The following ESCO1 variants were observed in gnomAD, a reference collection of about 807,000 sequenced individuals.
ESCO1 encodes N-acetyltransferase ESCO1.
ESCO1 carries 33 observed loss-of-function variants against 83.5 expected under a neutral mutation model. The observed-to-expected ratio is 0.40, with a 90% CI of 0.30 to 0.53. The LOEUF (loss-of-function observed/expected upper bound fraction) is 0.53, where lower values mean the gene tolerates loss of function less well. Ranked by LOEUF, ESCO1 falls within the 20% of genes least tolerant of loss-of-function variation. The pLI is 0.63. For synonymous variants in ESCO1, 332 were observed against 324.3 expected, an observed-to-expected ratio of 1.02 and a Z score of -0.25; for missense variants, 855 against 968.0, an observed-to-expected ratio of 0.88 and a Z score of 1.55.
intron 8 of ESCO1, among the ~76,000 whole-genome samples, chr18:21,558,036 A>G (rs1598462152): frequency 6.6e-6 from 1 of 150,436 alleles, no homozygotes. Flanking sequence ...CAGTGATGCA[A>G]TCTTGGCTCA....
At chr18:21,550,410 C>T (rs1466322187) in intron 8 of ESCO1, among the ~76,000 whole-genome samples, 1 of 152,096 alleles carries the variant, frequency 6.6e-6, no homozygotes, top group African/African-American at 2.4e-5. Flanking sequence ...TGGGTCAGAC[C>T]CAATAAAAAG....
intron 8 of ESCO1, among the ~76,000 whole-genome samples, chr18:21,542,662 TA>T (rs1415310114): frequency 9.9e-5 from 15 of 152,168 alleles, no homozygotes; most frequent in Admixed American, 8.5e-4. Flanking sequence ...AGTCAATCAA[TA>T]AATGTTCCCA....
chr18:21,575,479 T>C (rs2038407448), intron 3 of ESCO1, 49 bp from the exon 4 acceptor site: 2 of 398,330 alleles, frequency 5.0e-6, no homozygotes, highest in Non-Finnish European at 8.9e-6. Flanking sequence ...CCATGAAATA[T>C]GTCAATGCTA....
chr18:21,549,223 A>G (rs888687866), intron 8 of ESCO1, among the ~76,000 whole-genome samples: 5 of 152,180 alleles, frequency 3.3e-5, no homozygotes, highest in African/African-American at 9.6e-5. Context: ...ATCTCACCCA[A>G]CATTCCTGCT....
intron 5 of ESCO1, among the ~76,000 whole-genome samples, chr18:21,566,785 G>A (rs2038267432): frequency 6.6e-6 from 1 of 151,834 alleles, no homozygotes. Context: ...GCTCGAACCT[G>A]GGAGGCAGAG....
At chr18:21,592,060 A>G (rs1197592847) in intron 1 of ESCO1, among the ~76,000 whole-genome samples, 9 of 151,728 alleles carry the variant, frequency 5.9e-5, no homozygotes, top group Admixed American at 5.9e-4. Flanking sequence ...AAAGTCTCCC[A>G]TGTCTACTTC....
intron 2 of ESCO1, among the ~76,000 whole-genome samples, chr18:21,581,493 G>T (rs534454317): frequency 2.0e-5 from 3 of 151,724 alleles, no homozygotes; most frequent in Non-Finnish European, 4.4e-5. Flanking sequence ...CACCTGTAAT[G>T]CCAGATACTT....
Position 21,532,475 on chromosome 18 carries a change from T to G in ESCO1, c.2373A>C (p.Leu791=). 1.2e-6 allele frequency: 2 copies of G among 1,609,422 alleles called. No individual in the cohort carries two copies. The highest frequency in any genetic ancestry group is 1.7e-6 in the Non-Finnish European group (2 of 1,176,262). Residue 791 remains leucine, a splice_region_variant and synonymous_variant, in exon 11 of 12, where the codon CTA becomes CTC. Transcript: ENST00000269214. ...TTGAAGGATTACATTCAAGTTACCTTAGGCATTCAATCATGCGAGAAGCAA... is the reference window on the plus strand; with the variant it reads ...TTGAAGGATTACATTCAAGTTACCTGAGGCATTCAATCATGCGAGAAGCAA... ...KKIASRMIEC[L]RSNFIYGSYL...
chr18:21,593,302 T>C (rs781139999), intron 1 of ESCO1: 14 of 168,410 alleles, frequency 8.3e-5, no homozygotes, highest in South Asian at 3.6e-4. Flanking sequence ...CTGGGCACCA[T>C]TGAGCACTGA....
At chr18:21,591,483 T>A (rs982163990) in intron 1 of ESCO1, among the ~76,000 whole-genome samples, 1 of 152,242 alleles carries the variant, frequency 6.6e-6, no homozygotes, top group African/African-American at 2.4e-5. Context: ...ACAACCATTT[T>A]TTATCTTACA....
chr18:21,565,922 C>A (rs2038253209), intron 6 of ESCO1, among the ~76,000 whole-genome samples: 2 of 151,824 alleles, frequency 1.3e-5, no homozygotes, highest in African/African-American at 4.8e-5. Context: ...GTGAGCAAGA[C>A]CTCAACTCTA....
rs146249536 is a variant in ESCO1 at position 21,574,378 on chromosome 18, T to C, written c.466A>G (p.Lys156Glu). 6.1e-4 allele frequency: 992 copies of C among 1,614,146 alleles called. 1 individual carries two copies. Among genetic ancestry groups the C allele is most frequent in the Middle Eastern group, 4.9e-3 (30 of 6,062 alleles). Residue 156 changes from lysine to glutamate, a missense_variant, in exon 4 of 12, where the codon AAA (lysine) becomes GAA (glutamate). This residue lies in a region of ESCO1 where 726 missense variants were observed against 699.5 expected (regional missense o/e 1.04). Coordinates refer to ENST00000269214, the MANE Select transcript of ESCO1 (RefSeq NM_052911.3). ...TGAGTACTGCTACACTGCTCTTTTTTAGTTGGTGGCAAACTCTGTTTAACT... is the reference window on the plus strand; with the variant it reads ...TGAGTACTGCTACACTGCTCTTTTTCAGTTGGTGGCAAACTCTGTTTAACT... ...QAVKQSLPPT[K>E]KEQCSSTQSK...
At chr18:21,567,037 C>T (rs1040586014) in intron 5 of ESCO1, among the ~76,000 whole-genome samples, 5 of 152,268 alleles carry the variant, frequency 3.3e-5, no homozygotes, top group African/African-American at 9.6e-5. Flanking sequence ...CATTTTGCTC[C>T]ATGTATACCT....
At chr18:21,553,585 CAG>C (rs2038073533) in intron 8 of ESCO1, among the ~76,000 whole-genome samples, 1 of 151,646 alleles carries the variant, frequency 6.6e-6, no homozygotes, top group Non-Finnish European at 1.5e-5. Context: ...TGGCTGGACA[CAG>C]TGGCTTATGC....
intron 1 of ESCO1, among the ~76,000 whole-genome samples, chr18:21,593,825 A>C (rs1401821685): frequency 6.6e-6 from 1 of 152,086 alleles, no homozygotes; most frequent in Non-Finnish European, 1.5e-5. Context: ...AAAAAAAAAA[A>C]AACCTTAGAC....
intron 1 of ESCO1, among the ~76,000 whole-genome samples, chr18:21,595,019 G>GT (rs1325854252): frequency 6.7e-5 from 10 of 150,104 alleles, no homozygotes; most frequent in Admixed American, 2.7e-4. Flanking sequence ...TCTGGCTAGT[G>GT]TTTTTTTTGT....
At chr18:21,570,087 C>A (rs2038319545) in intron 4 of ESCO1, among the ~76,000 whole-genome samples, 2 of 152,074 alleles carry the variant, frequency 1.3e-5, no homozygotes, top group African/African-American at 4.8e-5. Context: ...TGGAAACAAT[C>A]TGAAAGGTGA....
At chr18:21,590,414 G>A (rs1040652852) in intron 1 of ESCO1, among the ~76,000 whole-genome samples, 2 of 149,706 alleles carry the variant, frequency 1.3e-5, no homozygotes, top group African/African-American at 2.5e-5. Flanking sequence ...TAGAGATGGG[G>A]TTTCACCATA....
intron 8 of ESCO1, among the ~76,000 whole-genome samples, chr18:21,556,396 T>C (rs1161390409): frequency 6.6e-6 from 1 of 152,238 alleles, no homozygotes; most frequent in Non-Finnish European, 1.5e-5. Context: ...TTAAATTATA[T>C]GCACTCAAAT....
Sources: allele counts gnomAD v4.1 joint callset (sites outside exome capture counted in the v4.1 genomes callset), GRCh38; gene constraint gnomAD v4.1.1; regional missense constraint gnomAD v4.1.1; transcripts MANE v1.5; gene names NCBI Gene and HGNC (gene_info 2026-07-23, HGNC 2026-07-21).